The following ANO2 variants were observed in gnomAD, a reference collection of about 807,000 sequenced individuals.
The protein encoded by ANO2 is anoctamin-2.
ANO2 carries 101 observed loss-of-function variants against 124.2 expected under a neutral mutation model. The ratio of observed to expected loss-of-function variants is 0.81; its 90% CI spans 0.69 to 0.96. The LOEUF (loss-of-function observed/expected upper bound fraction) is 0.96, where lower values mean the gene tolerates loss of function less well. ANO2 is among the 40% of genes least tolerant of loss of function. ANO2 has a pLI of 0.00. For missense variants in ANO2, 1,293 were observed against 1,274.5 expected, an observed-to-expected ratio of 1.01 and a Z score of -0.22; for synonymous variants, 486 against 482.5, an observed-to-expected ratio of 1.01 and a Z score of -0.09.
At chr12:5,856,046 C>A (rs186311405) in intron 3 of ANO2, among the ~76,000 whole-genome samples, 1 of 152,184 alleles carries the variant, frequency 6.6e-6, no homozygotes, top group Non-Finnish European at 1.5e-5. Flanking sequence ...TAGATAGAAT[C>A]ATCAATCACT....
intron 10 of ANO2, among the ~76,000 whole-genome samples, chr12:5,790,159 C>A (rs1952655435): frequency 6.6e-6 from 1 of 152,216 alleles, no homozygotes; most frequent in African/African-American, 2.4e-5. Flanking sequence ...AGAAGAGATG[C>A]AACTATAGGG....
At chr12:5,733,323 C>T (rs1009507999) in intron 13 of ANO2, 1 of 262,412 alleles carries the variant, frequency 3.8e-6, no homozygotes. Flanking sequence ...GAAAGAGCAC[C>T]TAACTAATCC....
intron 11 of ANO2, among the ~76,000 whole-genome samples, chr12:5,745,401 C>G (rs1319974997): frequency 1.3e-5 from 2 of 152,132 alleles, no homozygotes; most frequent in African/African-American, 4.8e-5. Context: ...GATGGGGAGG[C>G]AGGGGATCCA....
intron 16 of ANO2, among the ~76,000 whole-genome samples, chr12:5,632,091 G>A (rs544809393): frequency 2.6e-4 from 39 of 152,196 alleles, no homozygotes; most frequent in Non-Finnish European, 4.9e-4. Context: ...AAACTTCCCC[G>A]ATACCCACTG....
intron 14 of ANO2, among the ~76,000 whole-genome samples, chr12:5,681,949 G>C (rs1005513027): frequency 2.0e-5 from 3 of 152,154 alleles, no homozygotes; most frequent in African/African-American, 7.2e-5. Context: ...ACGGGTGGAA[G>C]GGATAATTGG....
chr12:5,758,543 C>G (rs1721651738), intron 10 of ANO2, among the ~76,000 whole-genome samples: 2 of 152,206 alleles, frequency 1.3e-5, no homozygotes, highest in African/African-American at 4.8e-5. Context: ...CATTGTGGCA[C>G]AGGCATGCAG....
chr12:5,762,547 G>A (rs1951771458), intron 10 of ANO2, among the ~76,000 whole-genome samples: 2 of 151,850 alleles, frequency 1.3e-5, no homozygotes, highest in Non-Finnish European at 2.9e-5. Context: ...TGAACATGTG[G>A]AGTTTTTTGT....
At chr12:5,736,335 T>G (rs1950863754) in intron 13 of ANO2, among the ~76,000 whole-genome samples, 1 of 152,122 alleles carries the variant, frequency 6.6e-6, no homozygotes. Context: ...GGCACCCAGG[T>G]GGGAGGACTA....
At chr12:5,852,375 C>G (rs1156706191) in intron 4 of ANO2, among the ~76,000 whole-genome samples, 3 of 152,172 alleles carry the variant, frequency 2.0e-5, no homozygotes, top group African/African-American at 7.2e-5. Flanking sequence ...GACCCCCCTC[C>G]CCGACACCAA....
At position 5,867,859 on chromosome 12, in the gene ANO2, A is replaced by G. The variant is rs182537704; in HGVS notation, c.535-13718T>C. On this transcript the variant is annotated intron_variant, in intron 3 of 24. Transcript: ENST00000682330. ...AATATCCAGATCAACCCAGCTGTCA[A>G]GAGCACTATGAAAATAATCCTTTAA... Among the ~76,000 whole-genome samples, 154 of 151,976 alleles carry G rather than the reference A, an allele frequency of 1.0e-3. 1 individual carries two copies. Among genetic ancestry groups the G allele is most frequent in the African/African-American group, 3.5e-3 (147 of 41,438 alleles).
At chr12:5,653,712 T>C (rs949319406) in intron 14 of ANO2, among the ~76,000 whole-genome samples, 1 of 152,220 alleles carries the variant, frequency 6.6e-6, no homozygotes, top group Non-Finnish European at 1.5e-5. Context: ...CCCTAGGTAG[T>C]AGCAGAAACT....
At chr12:5,825,129 C>A (rs1046482016) in intron 7 of ANO2, among the ~76,000 whole-genome samples, 21 of 152,150 alleles carry the variant, frequency 1.4e-4, no homozygotes, top group African/African-American at 4.8e-4. Flanking sequence ...GTATTCCATA[C>A]AGCATTGCAT....
chr12:5,816,480 C>T (rs1435384604), intron 7 of ANO2, among the ~76,000 whole-genome samples: 1 of 152,066 alleles, frequency 6.6e-6, no homozygotes, highest in East Asian at 1.9e-4. Flanking sequence ...TGTTACAAAG[C>T]TAGTAAGTCC....
chr12:5,905,424 T>A (rs1178671612), intron 3 of ANO2, among the ~76,000 whole-genome samples: 3 of 152,172 alleles, frequency 2.0e-5, no homozygotes, highest in Non-Finnish European at 4.4e-5. Flanking sequence ...AGTAGAAGCA[T>A]CTCTTATTAC....
intron 6 of ANO2, among the ~76,000 whole-genome samples, chr12:5,829,556 A>G (rs1954085427): frequency 6.6e-6 from 1 of 152,136 alleles, no homozygotes; most frequent in Non-Finnish European, 1.5e-5. Flanking sequence ...AGATCCTTCT[A>G]GGTATCTAAT....
chr12:5,799,640 T>C, intron 9 of ANO2, 69 bp from the exon 10 acceptor site: 1 of 1,414,442 alleles, frequency 7.1e-7, no homozygotes, highest in Non-Finnish European at 9.9e-7. Flanking sequence ...TTGTCCATCC[T>C]AACAAGTCAG....
chr12:5,759,513 C>T (rs917057438), intron 10 of ANO2, among the ~76,000 whole-genome samples: 1 of 151,488 alleles, frequency 6.6e-6, no homozygotes. Context: ...GCAGAGTGAA[C>T]CATCATTACT....
chr12:5,815,810 T>C (rs998255966), intron 7 of ANO2, among the ~76,000 whole-genome samples: 1 of 152,192 alleles, frequency 6.6e-6, no homozygotes, highest in Non-Finnish European at 1.5e-5. Context: ...TCTTGTAAGC[T>C]ACCCCAGAAA....
At chr12:5,775,160 C>T (rs2137125730) in intron 10 of ANO2, among the ~76,000 whole-genome samples, 1 of 152,310 alleles carries the variant, frequency 6.6e-6, no homozygotes, top group Middle Eastern at 3.4e-3. Flanking sequence ...TGATCTATTC[C>T]ATTGCCCTAC....
Sources: allele counts gnomAD v4.1 joint callset (sites outside exome capture counted in the v4.1 genomes callset), GRCh38; gene constraint gnomAD v4.1.1; transcripts MANE v1.5; gene names NCBI Gene and HGNC (gene_info 2026-07-23, HGNC 2026-07-21).